ATXN1: variants seen among roughly 807,000 people sequenced by gnomAD.
ATXN1 encodes ataxin-1.
In ATXN1, 8 loss-of-function variants were observed where a neutral mutation model predicts 56.4. The observed-to-expected ratio is 0.14, with a 90% CI of 0.08 to 0.26. ATXN1 has a LOEUF of 0.26. Among genes scored for constraint, ATXN1 ranks in the 10% least tolerant of loss-of-function variants. ATXN1 has a pLI of 1.00. For missense variants in ATXN1, 987 were observed against 1,106.5 expected (o/e 0.89, Z 1.53); for synonymous variants, 514 against 494.6 (o/e 1.04, Z -0.52).
At chr6:16,433,547 C>T (rs1759329801) in intron 6 of ATXN1, among the ~76,000 whole-genome samples, 1 of 152,162 alleles carries the variant, frequency 6.6e-6, no homozygotes, top group Non-Finnish European at 1.5e-5. Context: ...TCACGTGCAG[C>T]CCAGAGGAAG....
intron 2 of ATXN1, among the ~76,000 whole-genome samples, chr6:16,708,228 G>C (rs76152304): frequency 0.088 from 13,463 of 152,206 alleles, 643 homozygotes; most frequent in East Asian, 0.18. Flanking sequence ...GGACATCCTA[G>C]GCTGGCAAAA....
chr6:16,400,010 C>T (rs1758536004), intron 6 of ATXN1, among the ~76,000 whole-genome samples: 1 of 152,132 alleles, frequency 6.6e-6, no homozygotes, highest in Admixed American at 6.5e-5. Flanking sequence ...ATCAGCATCA[C>T]TAGGGAGCAT....
At chr6:16,430,553 G>C (rs932844966) in intron 6 of ATXN1, among the ~76,000 whole-genome samples, 3 of 152,146 alleles carry the variant, frequency 2.0e-5, no homozygotes, top group Non-Finnish European at 4.4e-5. Context: ...TTACACAGAT[G>C]TTCCATGATT....
At chr6:16,734,584 T>C (rs1760069757) in intron 2 of ATXN1, among the ~76,000 whole-genome samples, 1 of 152,222 alleles carries the variant, frequency 6.6e-6, no homozygotes, top group Non-Finnish European at 1.5e-5. Context: ...CTCAGCTCAC[T>C]GCAGCCTCGA....
chr6:16,466,660 C>T (rs754956932), intron 6 of ATXN1, among the ~76,000 whole-genome samples: 2 of 152,088 alleles, frequency 1.3e-5, no homozygotes, highest in African/African-American at 4.8e-5. Flanking sequence ...GTAGATCAAG[C>T]ACGATTCTAT....
chr6:16,644,178 G>A (rs1763759265), intron 3 of ATXN1, among the ~76,000 whole-genome samples: 1 of 152,194 alleles, frequency 6.6e-6, no homozygotes, highest in South Asian at 2.1e-4. Context: ...TAGTGGAGAT[G>A]ATTGCACTAC....
chr6:16,552,102 C>T (rs1027424397), intron 4 of ATXN1, among the ~76,000 whole-genome samples: 24 of 152,202 alleles, frequency 1.6e-4, no homozygotes, highest in African/African-American at 5.8e-4. Flanking sequence ...AGGACACATG[C>T]TCTCAATGAC....
intron 7 of ATXN1, among the ~76,000 whole-genome samples, chr6:16,316,140 G>A (rs1013312027): frequency 8.5e-5 from 13 of 152,182 alleles, no homozygotes; most frequent in African/African-American, 3.1e-4. Context: ...GATTCTCATA[G>A]GAGCGTGAAC....
chr6:16,411,555 TA>T (rs554507156), intron 6 of ATXN1, among the ~76,000 whole-genome samples: 210 of 145,828 alleles, frequency 1.4e-3, no homozygotes, highest in Non-Finnish European at 1.4e-3. Context: ...TCTTGAAGGT[TA>T]AAAAAAAAAA....
intron 4 of ATXN1, among the ~76,000 whole-genome samples, chr6:16,551,306 C>T (rs1432748932): frequency 3.3e-5 from 5 of 152,130 alleles, no homozygotes; most frequent in Non-Finnish European, 7.4e-5. Flanking sequence ...TTGGTGAAAA[C>T]AGAGAATATA....
chr6:16,493,366 C>A (rs1561724609), intron 5 of ATXN1, among the ~76,000 whole-genome samples: 1 of 152,046 alleles, frequency 6.6e-6, no homozygotes, highest in Admixed American at 6.6e-5. Context: ...AAATGTAAGC[C>A]AGACCTCCCA....
Position 16,503,471 on chromosome 6 carries a change from T to C in ATXN1, c.-298-17362A>G, listed in dbSNP as rs114394594. On this transcript the variant is annotated intron_variant, in intron 5 of 7. Coordinates refer to ENST00000436367, the MANE Select transcript of ATXN1 (RefSeq NM_001128164.2). ...GCTGTCCCTTGGCAGGTGATCTCTT[T>C]ATGTCCATCTTCTCTTTGACAGATG... Among the ~76,000 whole-genome samples the C allele has an allele frequency of 8.6e-3, 1,313 of 152,310 alleles. 18 individuals carry two copies. Among genetic ancestry groups the C allele is most frequent in the African/African-American group, 0.028 (1,178 of 41,568 alleles).
chr6:16,347,182 A>G (rs2113452332), intron 6 of ATXN1, among the ~76,000 whole-genome samples: 1 of 152,292 alleles, frequency 6.6e-6, no homozygotes, highest in South Asian at 2.1e-4. Flanking sequence ...CCCCTGCTCC[A>G]CAGCGCCCAG....
intron 3 of ATXN1, among the ~76,000 whole-genome samples, chr6:16,648,145 A>G (rs1392306211): frequency 6.6e-6 from 1 of 152,188 alleles, no homozygotes; most frequent in East Asian, 1.9e-4. Context: ...TAGATCCTTA[A>G]GATTTCAGGA....
At chr6:16,423,654 T>C (rs1204530360) in intron 6 of ATXN1, among the ~76,000 whole-genome samples, 1 of 152,098 alleles carries the variant, frequency 6.6e-6, no homozygotes, top group East Asian at 1.9e-4. Context: ...CTAGCCTTGA[T>C]TACAGGCTCT....
At chr6:16,456,227 C>T (rs534451865) in intron 6 of ATXN1, among the ~76,000 whole-genome samples, 9 of 152,300 alleles carry the variant, frequency 5.9e-5, no homozygotes, top group Admixed American at 3.9e-4. Flanking sequence ...ATGAATCCAC[C>T]GGCTGGAACC....
intron 6 of ATXN1, among the ~76,000 whole-genome samples, chr6:16,347,258 G>A (rs571726863): frequency 5.9e-5 from 9 of 152,138 alleles, no homozygotes; most frequent in East Asian, 3.9e-4. Flanking sequence ...TCCACCTACT[G>A]CCTCTGTGAA....
intron 6 of ATXN1, among the ~76,000 whole-genome samples, chr6:16,436,835 A>C (rs1759402616): frequency 6.6e-6 from 1 of 152,120 alleles, no homozygotes; most frequent in African/African-American, 2.4e-5. Flanking sequence ...TCTGGACTAC[A>C]TTTTCACCAG....
chr6:16,366,586 G>A lies in ATXN1; in HGVS notation c.-160-38116C>T, dbSNP rs544920067. On this transcript the variant is annotated intron_variant, in intron 6 of 7. Transcript: ENST00000436367. ...ACTTGAGGTCAGGTGTTGGAGACCA[G>A]ACTAGCCAACATATTGAAACCCCTT... 6.0e-4 allele frequency among the ~76,000 whole-genome samples: 92 copies of A among 152,168 alleles called. 1 individual carries two copies. Among genetic ancestry groups the A allele is most frequent in the African/African-American group, 2.1e-3 (89 of 41,524 alleles).
Sources: allele counts gnomAD v4.1 joint callset (sites outside exome capture counted in the v4.1 genomes callset), GRCh38; gene constraint gnomAD v4.1.1; transcripts MANE v1.5; gene names NCBI Gene and HGNC (gene_info 2026-07-23, HGNC 2026-07-21).